ARHGEF7: variants seen among roughly 807,000 people sequenced by gnomAD.
The protein encoded by ARHGEF7 is PAK-interacting exchange factor beta.
Under a neutral mutation model 109.8 loss-of-function variants are expected in ARHGEF7, and 33 were observed. The observed-to-expected ratio is 0.30, with a 90% CI of 0.23 to 0.40. The LOEUF is 0.40. Ranked by LOEUF, ARHGEF7 falls within the 10% of genes least tolerant of loss-of-function variation. The probability of loss-of-function intolerance (pLI) is 1.00; values close to 1 mark genes in which losing one functional copy is unlikely to be tolerated. For missense variants in ARHGEF7, 938 were observed against 1,098.5 expected (o/e 0.85, Z 2.07); for synonymous variants, 458 against 424.6 (o/e 1.08, Z -0.97).
chr13:111,245,060 T>C (rs573851517), intron 8 of ARHGEF7, among the ~76,000 whole-genome samples: 1 of 152,232 alleles, frequency 6.6e-6, no homozygotes, highest in South Asian at 2.1e-4. Context: ...ACTTTTGAAG[T>C]GTTGGTTGTG....
intron 19 of ARHGEF7, among the ~76,000 whole-genome samples, chr13:111,299,345 TTTTTTTTTTTTTTTTGAGAC>T (rs1202718021): frequency 7.0e-6 from 1 of 143,150 alleles, no homozygotes; most frequent in Non-Finnish European, 1.5e-5. Context: ...TCATTTTTTT[TTTTTTTTTTTTTTTTGAGAC>T]GGAGTCTCGC....
At chr13:111,178,024 ACCT>A (rs2078337663) in intron 2 of ARHGEF7, among the ~76,000 whole-genome samples, 1 of 151,982 alleles carries the variant, frequency 6.6e-6, no homozygotes. Flanking sequence ...CTGTCCTTTG[ACCT>A]CCTTCCTCTC....
chr13:111,267,593 G>T lies in ARHGEF7; in HGVS notation c.996G>T (p.Leu332=). ...QQRVGGCFLN[L]MPQMKTLYLT... is the part of the protein sequence containing the mutation. ...GAGTCGGAGGCTGCTTTTTAAACCT[G>T]ATGCCACAGATGAAAACCCTGTACC... is the stretch of plus-strand genomic sequence containing the variant. Residue 332 remains leucine, a synonymous_variant, in exon 9 of 22, where the codon CTG becomes CTT. Transcript: ENST00000646102. 6.2e-7 allele frequency: 1 copy of T among 1,614,120 alleles called. No homozygotes were observed. The highest frequency in any genetic ancestry group is 8.5e-7 in the Non-Finnish European group (1 of 1,179,980).
intron 1 of ARHGEF7, among the ~76,000 whole-genome samples, chr13:111,133,812 T>TAAATAAATAA (rs774568302): frequency 1.6e-5 from 1 of 62,568 alleles, no homozygotes; most frequent in African/African-American, 8.1e-5. Context: ...TATATATATA[T>TAAATAAATAA]ATTTATTATA....
chr13:111,183,866 A>G (rs1321298459), intron 2 of ARHGEF7, among the ~76,000 whole-genome samples: 1 of 152,142 alleles, frequency 6.6e-6, no homozygotes, highest in African/African-American at 2.4e-5. Flanking sequence ...CCTGTGTAAA[A>G]GATGAGGAGC....
chr13:111,126,300 G>T (rs1163049202), intron 1 of ARHGEF7, among the ~76,000 whole-genome samples: 1 of 152,176 alleles, frequency 6.6e-6, no homozygotes. Flanking sequence ...AGACCAGCCT[G>T]GCCAACATGG....
chr13:111,196,369 A>G (rs9515387), intron 2 of ARHGEF7, among the ~76,000 whole-genome samples: 136,222 of 152,144 alleles, frequency 0.9, 61,006 homozygotes, highest in South Asian at 0.93. Context: ...ACCAGGTATC[A>G]CCAAACTCTC....
At chr13:111,138,853 GAGAA>G (rs1187000111) in intron 1 of ARHGEF7, among the ~76,000 whole-genome samples, 1 of 152,180 alleles carries the variant, frequency 6.6e-6, no homozygotes, top group Admixed American at 6.5e-5. Flanking sequence ...GCTGGGTCTG[GAGAA>G]CCGGCTCCAG....
At position 111,153,289 on chromosome 13, in the gene ARHGEF7, G is replaced by C. The variant is rs531863529; in HGVS notation, c.166-616G>C. Among the ~76,000 whole-genome samples, 360 of 152,366 alleles carry C rather than the reference G, an allele frequency of 2.4e-3. 2 individuals carry two copies. Among genetic ancestry groups the C allele is most frequent in the Admixed American group, 4.6e-3 (71 of 15,312 alleles). On this transcript the variant is annotated intron_variant, in intron 1 of 21. Transcript: ENST00000646102. The stretch of plus-strand genomic sequence containing the variant: ...GGCCAGGCTGCGTCCACTTGGGAGA[G>C]GCCGAGGACCTGGCGCCAAGAGGCG...
At chr13:111,234,932 T>C (rs568442578) in intron 6 of ARHGEF7, among the ~76,000 whole-genome samples, 26 of 152,230 alleles carry the variant, frequency 1.7e-4, no homozygotes, top group Non-Finnish European at 3.5e-4. Context: ...GATTTGGCTC[T>C]ACTAACCCAT....
In ARHGEF7 at chr13:111,128,499, G is replaced by GCAAACAAA. The variant is rs60774287; in HGVS notation, c.165+12829_165+12836dup. Among the ~76,000 whole-genome samples, 150 of 151,878 alleles carry GCAAACAAA rather than the reference G, an allele frequency of 9.9e-4. 1 individual carries two copies. Among genetic ancestry groups the GCAAACAAA allele is most frequent in the African/African-American group, 3.3e-3 (135 of 41,420 alleles). On this transcript the variant is annotated intron_variant, in intron 1 of 21. Transcript: ENST00000646102. ...CAGAGCGAGACCCTGTCTCAAACAAGCAAACAAACAAACAAACAAACAAAC... is the reference window on the plus strand; with the variant it reads ...CAGAGCGAGACCCTGTCTCAAACAAGCAAACAAACAAACAAACAAACAAACAAACAAAC...
In ARHGEF7 at chr13:111,221,339, ATC is replaced by A. The variant is rs1491140011; in HGVS notation, c.670+3461_670+3462del. Among the ~76,000 whole-genome samples, 30 of 13,452 alleles carry A rather than the reference ATC, an allele frequency of 2.2e-3. 2 individuals are homozygous for A. Among genetic ancestry groups the A allele is most frequent in the Non-Finnish European group, 3.8e-3 (25 of 6,594 alleles). The allele number at this position is 13,452 out of a possible 152,430, so 8.8% of individuals were successfully genotyped here. On this transcript the variant is annotated intron_variant, in intron 5 of 21. Transcript: ENST00000646102. ...TATATAGATATATATGTCTATATAT[ATC>A]TATATATATGTCTATATATATATCT...
rs901077595 is a variant in ARHGEF7 at position 111,302,043 on chromosome 13, A to G, written c.2466+511A>G. ...TAACAATACTGATTTTGATGTCATA[A>G]AACATCGCAAATTCTGTTGGAAGAA... is the stretch of plus-strand genomic sequence containing the variant. On this transcript the variant is annotated intron_variant, in intron 21 of 21. Coordinates refer to ENST00000646102, the MANE Select transcript of ARHGEF7 (RefSeq NM_001354046.2). Among the ~76,000 whole-genome samples, 3 of 152,208 alleles carry G rather than the reference A, an allele frequency of 2.0e-5. No individual in the cohort carries two copies. In the East Asian group the frequency reaches 5.8e-4, roughly 29 times the overall value.
chr13:111,176,561 C>T (rs2078183047), intron 2 of ARHGEF7, among the ~76,000 whole-genome samples: 1 of 152,204 alleles, frequency 6.6e-6, no homozygotes, highest in East Asian at 1.9e-4. Context: ...CTGCCTGCCA[C>T]CTGTCACTGC....
chr13:111,192,766 GTA>G (rs2080050346), intron 2 of ARHGEF7, among the ~76,000 whole-genome samples: 1 of 152,194 alleles, frequency 6.6e-6, no homozygotes, highest in Non-Finnish European at 1.5e-5. Flanking sequence ...TTGTCGCTCT[GTA>G]AGCTTTGGAG....
rs1444633743 is a variant in ARHGEF7 at position 111,115,552 on chromosome 13, C to T, written c.26C>T (p.Thr9Met). Reference protein sequence around the residue: MNSAEQTVTWLITLGVLES... With the variant: MNSAEQTVMWLITLGVLES... ...ATGAATTCCGCCGAGCAAACCGTTACGTGGCTCATCACTCTGGGGGTGCTG... is the reference window on the plus strand; with the variant it reads ...ATGAATTCCGCCGAGCAAACCGTTATGTGGCTCATCACTCTGGGGGTGCTG... Residue 9 changes from threonine to methionine, a missense_variant, in exon 1 of 22, where the codon ACG becomes ATG. By Grantham distance (81) the Thr-to-Met change is moderately conservative (BLOSUM62 -1). Around this residue, in one of 4 missense-constraint regions of ARHGEF7, gnomAD observed 165 missense variants for 125.8 expected, o/e 1.31. Transcript: ENST00000646102. 3 of 1,405,390 alleles carry T rather than the reference C, an allele frequency of 2.1e-6. No homozygotes were observed. Among genetic ancestry groups the T allele is most frequent in the African/African-American group, 1.5e-5 (1 of 66,352 alleles). The allele number at this position is 1,405,390 out of a possible 1,614,324, so 87.1% of individuals were successfully genotyped here. A position where few individuals can be genotyped will look rare whatever the true frequency, so the allele number is the denominator to read the frequency against.
At chr13:111,154,036 G>T in intron 2 of ARHGEF7, 45 bp downstream of exon 2, 2 of 1,562,626 alleles carry the variant, frequency 1.3e-6, no homozygotes, top group South Asian at 1.2e-5. Flanking sequence ...CGGGAAGACG[G>T]GGTTGGGCCC....
At position 111,228,632 on chromosome 13, in the gene ARHGEF7, G is replaced by A. The variant is rs1417780287; in HGVS notation, c.671-4573G>A. 6.6e-6 allele frequency among the ~76,000 whole-genome samples: 1 copy of A among 152,196 alleles called. No individual in the cohort carries two copies. The highest frequency in any genetic ancestry group is 1.5e-5 in the Non-Finnish European group (1 of 68,044). The stretch of plus-strand genomic sequence containing the variant: ...CGAACAAAGATCGAGCGTCTTAGCA[G>A]ATCATCCCTTGAACAACTCGGAGGA... On this transcript the variant is annotated intron_variant, in intron 5 of 21. Coordinates refer to ENST00000646102, the MANE Select transcript of ARHGEF7 (RefSeq NM_001354046.2). The surrounding 1 kb of genome is among the most constrained non-coding windows in gnomAD (Gnocchi z 4.6).
chr13:111,264,361 G>A (rs1019187572), intron 8 of ARHGEF7, among the ~76,000 whole-genome samples: 3 of 152,192 alleles, frequency 2.0e-5, no homozygotes, highest in Admixed American at 1.3e-4. Context: ...AAAAAATTTA[G>A]TTAACCTTAC....
Sources: gnomAD v4.1 joint callset for allele counts (sites outside exome capture counted in the v4.1 genomes callset) on GRCh38, gnomAD v4.1.1 for gene constraint, gnomAD v4.1.1 regional missense constraint, Gnocchi (gnomAD v3.1) non-coding constraint, MANE v1.5 for transcripts, NCBI Gene and HGNC (gene_info 2026-07-23, HGNC 2026-07-21) for gene names.